Variants in IGSF11 observed in about 807,000 individuals in gnomAD.
IGSF11 encodes the protein immunoglobulin superfamily member 11.
IGSF11 carries 22 observed loss-of-function variants against 41.0 expected under a neutral mutation model. That is an observed-to-expected ratio of 0.54 (90% CI 0.38 to 0.77). The LOEUF (loss-of-function observed/expected upper bound fraction) is 0.77. Ranked by LOEUF, IGSF11 falls within the 30% of genes least tolerant of loss-of-function variation. The probability of loss-of-function intolerance (pLI) is 0.00; values close to 1 mark genes in which losing one functional copy is unlikely to be tolerated. For missense variants in IGSF11, 444 were observed against 530.8 expected (o/e 0.84, Z 1.61); for synonymous variants, 219 against 201.3 (o/e 1.09, Z -0.74).
chr3:119,059,021 G>A (rs1202614720), intron 1 of IGSF11, among the ~76,000 whole-genome samples: 1 of 151,676 alleles, frequency 6.6e-6, no homozygotes, highest in Non-Finnish European at 1.5e-5. Flanking sequence ...TATACCTAAT[G>A]CTAGATGACG....
At chr3:118,917,338 C>A (rs1030470356) in intron 4 of IGSF11, among the ~76,000 whole-genome samples, 2 of 149,718 alleles carry the variant, frequency 1.3e-5, no homozygotes, top group East Asian at 2.0e-4. Context: ...CTGAAAGGAT[C>A]AACAAAATTG....
chr3:119,097,543 A>G (rs577295068), intron 1 of IGSF11, among the ~76,000 whole-genome samples: 1 of 151,884 alleles, frequency 6.6e-6, no homozygotes, highest in Non-Finnish European at 1.5e-5. Context: ...TGAGGTGGCG[A>G]GGTAGAGAGA....
intron 1 of IGSF11, among the ~76,000 whole-genome samples, chr3:119,004,994 C>G (rs1456765317): frequency 2.0e-5 from 3 of 150,606 alleles, no homozygotes; most frequent in Admixed American, 6.6e-5. Flanking sequence ...TGGTGCAGAG[C>G]TGAGTTCAAT....
At chr3:119,008,593 C>A (rs1391008315) in intron 1 of IGSF11, among the ~76,000 whole-genome samples, 1 of 152,210 alleles carries the variant, frequency 6.6e-6, no homozygotes, top group Non-Finnish European at 1.5e-5. Flanking sequence ...CCCCTATACA[C>A]CTCCACAACA....
In IGSF11 at chr3:119,136,407, A is replaced by G. The variant is rs1049975089; in HGVS notation, c.-14+9406T>C. Among the ~76,000 whole-genome samples the G allele has an allele frequency of 6.6e-5, 10 of 152,270 alleles. 1 individual carries two copies. Among genetic ancestry groups the G allele is most frequent in the East Asian group, 5.8e-4 (3 of 5,180 alleles). On this transcript the variant is annotated intron_variant, in intron 1 of 7. Coordinates refer to the IGSF11 transcript ENST00000425327. ...TGAATAAAAAGAAAAACATGACCCAATGATCTGTTGCCAATAAGAAACACA... is the reference window on the plus strand; with the variant it reads ...TGAATAAAAAGAAAAACATGACCCAGTGATCTGTTGCCAATAAGAAACACA...
intron 1 of IGSF11, among the ~76,000 whole-genome samples, chr3:119,097,032 GATTT>G (rs933633272): frequency 6.6e-6 from 1 of 151,942 alleles, no homozygotes; most frequent in Non-Finnish European, 1.5e-5. Flanking sequence ...CTACTTTTAA[GATTT>G]ATTACACTGG....
At chr3:118,971,597 GTTCAAGAC>G (rs1402508600) in intron 1 of IGSF11, among the ~76,000 whole-genome samples, 1 of 152,086 alleles carries the variant, frequency 6.6e-6, no homozygotes, top group Non-Finnish European at 1.5e-5. Context: ...GAGGTCAGGG[GTTCAAGAC>G]CAGCCTGACC....
chr3:119,015,429 G>A (rs917502564), intron 1 of IGSF11, among the ~76,000 whole-genome samples: 4 of 152,108 alleles, frequency 2.6e-5, no homozygotes, highest in Admixed American at 2.6e-4. Flanking sequence ...TATAAACCTG[G>A]AGGACACGAA....
At chr3:118,979,749 T>C (rs1044742350) in intron 1 of IGSF11, among the ~76,000 whole-genome samples, 2 of 152,178 alleles carry the variant, frequency 1.3e-5, no homozygotes. Context: ...AGGCAATTTC[T>C]TGATTGGAAT....
chr3:118,938,557 T>C (rs1484544370), intron 1 of IGSF11, among the ~76,000 whole-genome samples: 1 of 152,180 alleles, frequency 6.6e-6, no homozygotes, highest in Non-Finnish European at 1.5e-5. Context: ...CTTTGCAGTG[T>C]TATGATGGAC....
chr3:118,930,042 G>T, intron 2 of IGSF11, 70 bp downstream of exon 2: 1 of 1,474,772 alleles, frequency 6.8e-7, no homozygotes, highest in Non-Finnish European at 9.2e-7. Context: ...ATGTACTCAT[G>T]ATGCTTCCCT....
intron 1 of IGSF11, among the ~76,000 whole-genome samples, chr3:119,104,375 A>G (rs2076986987): frequency 6.6e-6 from 1 of 152,210 alleles, no homozygotes. Flanking sequence ...GTAATCTGCT[A>G]TGCCTCCAAG....
At chr3:118,988,763 C>T (rs1206352823) in intron 1 of IGSF11, among the ~76,000 whole-genome samples, 1 of 152,170 alleles carries the variant, frequency 6.6e-6, no homozygotes, top group African/African-American at 2.4e-5. Context: ...AATGGCACTA[C>T]GAGTTCTATT....
chr3:119,091,218 G>A (rs1213454774), intron 1 of IGSF11, among the ~76,000 whole-genome samples: 3 of 152,118 alleles, frequency 2.0e-5, no homozygotes, highest in Non-Finnish European at 4.4e-5. Flanking sequence ...TTCTGGCTAG[G>A]CTGAAGAGAG....
chr3:119,044,010 A>G (rs1941220772), intron 1 of IGSF11, among the ~76,000 whole-genome samples: 1 of 152,202 alleles, frequency 6.6e-6, no homozygotes, highest in Non-Finnish European at 1.5e-5. Context: ...GGTTCTATTA[A>G]CACCCCCAAA....
At chr3:118,982,440 C>T (rs1355555881) in intron 1 of IGSF11, among the ~76,000 whole-genome samples, 2 of 152,126 alleles carry the variant, frequency 1.3e-5, no homozygotes, top group Non-Finnish European at 2.9e-5. Context: ...TAAACTCATT[C>T]ACTAATAAAA....
rs66598029 is a variant in IGSF11 at position 119,029,173 on chromosome 3, T to TACACACACACACACACACACACAC, written c.52+5334_52+5357dup. 3.0e-3 allele frequency among the ~76,000 whole-genome samples: 334 copies of TACACACACACACACACACACACAC among 111,542 alleles called. 3 individuals carry two copies. The highest frequency in any genetic ancestry group is 4.5e-3 in the South Asian group (12 of 2,640). The allele number at this position is 111,542 out of a possible 152,430, so 73.2% of individuals were successfully genotyped here. ...ACATGGTACTGCCTTTTGGGGATAA[T>TACACACACACACACACACACACAC]ACACACACACACACACACACACACA... On this transcript the variant is annotated intron_variant, in intron 1 of 6. Coordinates refer to ENST00000393775, the MANE Select transcript of IGSF11 (RefSeq NM_001015887.3).
intron 1 of IGSF11, among the ~76,000 whole-genome samples, chr3:119,002,372 G>A (rs1055173392): frequency 6.6e-6 from 1 of 150,884 alleles, no homozygotes; most frequent in Non-Finnish European, 1.5e-5. Context: ...CTGGATATTA[G>A]CCCTTTGTCA....
chr3:118,940,960 T>A (rs1576430594), intron 1 of IGSF11, among the ~76,000 whole-genome samples: 1 of 145,976 alleles, frequency 6.9e-6, no homozygotes, highest in Non-Finnish European at 1.5e-5. Context: ...TATATAAAAA[T>A]TAACTCAAAA....
Sources: gnomAD v4.1 joint callset for allele counts (sites outside exome capture counted in the v4.1 genomes callset) on GRCh38, gnomAD v4.1.1 for gene constraint, MANE v1.5 for transcripts, NCBI Gene and HGNC (gene_info 2026-07-23, HGNC 2026-07-21) for gene names.